The following PTPRT variants were observed in gnomAD, a reference collection of about 807,000 sequenced individuals.
The protein encoded by PTPRT is protein tyrosine phosphatase receptor type T.
A neutral mutation model predicts 176.8 loss-of-function variants in PTPRT; 56 were observed. The observed-to-expected ratio is 0.32, with a 90% CI of 0.26 to 0.40. The LOEUF is 0.40. PTPRT is among the 10% of genes least tolerant of loss of function. The probability of loss-of-function intolerance (pLI) is 1.00; values close to 1 mark genes in which losing one functional copy is unlikely to be tolerated. For missense variants in PTPRT, 1,540 were observed against 1,908.2 expected (o/e 0.81, Z 3.60); for synonymous variants, 783 against 739.0 (o/e 1.06, Z -0.96).
At chr20:42,334,053 C>T (rs2058006227) in intron 11 of PTPRT, among the ~76,000 whole-genome samples, 1 of 152,098 alleles carries the variant, frequency 6.6e-6, no homozygotes, top group African/African-American at 2.4e-5. Context: ...TTCTTTGATG[C>T]CTTCATTAAT....
chr20:42,050,665 A>G, the PTPRT span, among the ~76,000 whole-genome samples: 1 of 152,204 alleles, frequency 6.6e-6, no homozygotes, highest in South Asian at 2.1e-4. Flanking sequence ...TATGAATGGA[A>G]GTGAAGCTTT....
chr20:42,350,791 G>A (rs141209688), intron 10 of PTPRT, 61 bp from the exon 11 acceptor site: 20 of 1,164,184 alleles, frequency 1.7e-5, no homozygotes, highest in Middle Eastern at 2.0e-4. Flanking sequence ...GCTCCCCACC[G>A]CCCCTTGCTG....
At chr20:42,907,826 T>G (rs1454937140) in intron 1 of PTPRT, among the ~76,000 whole-genome samples, 1 of 143,596 alleles carries the variant, frequency 7.0e-6, no homozygotes, top group African/African-American at 3.0e-5. Context: ...AGGGTACAAG[T>G]GGGGGCAGAG....
chr20:42,163,436 T>G (rs2146512326), intron 16 of PTPRT, among the ~76,000 whole-genome samples: 1 of 152,292 alleles, frequency 6.6e-6, no homozygotes, highest in Non-Finnish European at 1.5e-5. Flanking sequence ...TCCCGGGATT[T>G]TAGGTAATAG....
At chr20:42,115,339 A>G (rs1304758582) in intron 21 of PTPRT, 24 bp from the exon 22 acceptor site, 2 of 1,553,542 alleles carry the variant, frequency 1.3e-6, no homozygotes, top group Non-Finnish European at 1.8e-6. Flanking sequence ...AGAGACAGAG[A>G]CAGAGACAGA....
chr20:42,545,927 G>C (rs1179804195), intron 7 of PTPRT, among the ~76,000 whole-genome samples: 1 of 152,096 alleles, frequency 6.6e-6, no homozygotes, highest in Non-Finnish European at 1.5e-5. Flanking sequence ...ATCTCAGATA[G>C]ACATTTATAT....
intron 7 of PTPRT, among the ~76,000 whole-genome samples, chr20:42,506,076 C>T (rs981334286): frequency 6.6e-6 from 1 of 152,082 alleles, no homozygotes; most frequent in African/African-American, 2.4e-5. Flanking sequence ...CCAAACCAGG[C>T]TCAATGGGAA....
chr20:42,866,884 T>C (rs969472535), intron 2 of PTPRT, among the ~76,000 whole-genome samples: 1 of 152,240 alleles, frequency 6.6e-6, no homozygotes, highest in African/African-American at 2.4e-5. Context: ...AATGGGCTGT[T>C]ACCACTAGCT....
At chr20:42,637,845 GC>G (rs1471904860) in intron 7 of PTPRT, among the ~76,000 whole-genome samples, 2 of 152,054 alleles carry the variant, frequency 1.3e-5, no homozygotes, top group African/African-American at 4.8e-5. Flanking sequence ...ATATTAGCCA[GC>G]CTCCAAACTG....
chr20:43,029,607 A>G (rs186157964), intron 1 of PTPRT, among the ~76,000 whole-genome samples: 83 of 152,364 alleles, frequency 5.4e-4, no homozygotes, highest in Non-Finnish European at 8.8e-4. Flanking sequence ...ACTACTGACC[A>G]AGTTTTCTAT....
chr20:42,927,535 C>G (rs994373676), intron 1 of PTPRT, among the ~76,000 whole-genome samples: 8 of 152,022 alleles, frequency 5.3e-5, no homozygotes, highest in Non-Finnish European at 1.0e-4. Context: ...GCACTCCAGC[C>G]TGGGCAACAA....
At chr20:43,062,289 A>G (rs1987497604) in intron 1 of PTPRT, among the ~76,000 whole-genome samples, 1 of 152,244 alleles carries the variant, frequency 6.6e-6, no homozygotes, top group Non-Finnish European at 1.5e-5. Context: ...CTGAGCCAAC[A>G]GCTCTAGCTT....
At chr20:42,462,151 T>C (rs975452264) in intron 8 of PTPRT, among the ~76,000 whole-genome samples, 2 of 152,046 alleles carry the variant, frequency 1.3e-5, no homozygotes, top group Non-Finnish European at 2.9e-5. Flanking sequence ...TGGAGGGAAT[T>C]TCTTTGAATG....
chr20:43,188,753 G>T (rs1019069455), intron 1 of PTPRT, among the ~76,000 whole-genome samples: 5 of 150,604 alleles, frequency 3.3e-5, no homozygotes, highest in East Asian at 2.0e-4. Context: ...TACTCTTGGG[G>T]GGGGGGGGGC....
At chr20:42,301,013 T>C (rs976702363) in intron 12 of PTPRT, among the ~76,000 whole-genome samples, 1 of 152,074 alleles carries the variant, frequency 6.6e-6, no homozygotes, top group South Asian at 2.1e-4. Flanking sequence ...ATGGCAAACA[T>C]CTTTGTAATA....
chr20:42,583,016 A>G lies in PTPRT; in HGVS notation c.1153+94850T>C, dbSNP rs2073404302. Among the ~76,000 whole-genome samples, 4 of 152,128 alleles carry G rather than the reference A, an allele frequency of 2.6e-5. No homozygotes were observed. The South Asian group carries it at 8.3e-4, about 31-fold the overall frequency. ...CAAAAAATCCACCTCACTCATCTCTACAGCTCCAGGGCTCAGCACAGGGGC... is the reference window on the plus strand; with the variant it reads ...CAAAAAATCCACCTCACTCATCTCTGCAGCTCCAGGGCTCAGCACAGGGGC... On this transcript the variant is annotated intron_variant, in intron 7 of 30. Transcript: ENST00000373187.
chr20:42,473,149 C>G (rs1205210857), intron 7 of PTPRT, among the ~76,000 whole-genome samples: 1 of 152,136 alleles, frequency 6.6e-6, no homozygotes, highest in Non-Finnish European at 1.5e-5. Context: ...CTACACAGTT[C>G]ATCATTTCCT....
chr20:42,922,083 G>A (rs1979182129), intron 1 of PTPRT, among the ~76,000 whole-genome samples: 1 of 152,068 alleles, frequency 6.6e-6, no homozygotes, highest in African/African-American at 2.4e-5. Flanking sequence ...CTACAGGCGT[G>A]TACCACCACA....
At chr20:42,936,496 G>A (rs1980202807) in intron 1 of PTPRT, among the ~76,000 whole-genome samples, 1 of 152,236 alleles carries the variant, frequency 6.6e-6, no homozygotes, top group Non-Finnish European at 1.5e-5. Context: ...TTGCAAATAA[G>A]ATGGAAAGCT....
Sources: gnomAD v4.1 joint callset for allele counts (sites outside exome capture counted in the v4.1 genomes callset) on GRCh38, gnomAD v4.1.1 for gene constraint, MANE v1.5 for transcripts, NCBI Gene and HGNC (gene_info 2026-07-23, HGNC 2026-07-21) for gene names.